KIRREL3: variants seen among roughly 807,000 people sequenced by gnomAD.
KIRREL3 encodes the protein kin of IRRE-like protein 3.
A neutral mutation model predicts 89.7 loss-of-function variants in KIRREL3; 36 were observed. The observed-to-expected ratio is 0.40, with a 90% CI of 0.31 to 0.53. The LOEUF (loss-of-function observed/expected upper bound fraction) is 0.53, where lower values mean the gene tolerates loss of function less well. Ranked by LOEUF, KIRREL3 falls within the 20% of genes least tolerant of loss-of-function variation. KIRREL3 has a pLI of 0.49. For synonymous variants in KIRREL3, 445 were observed against 441.4 expected (o/e 1.01, Z -0.10); for missense variants, 864 against 1,056.6 (o/e 0.82, Z 2.53).
In KIRREL3 at chr11:126,622,448, C is replaced by T. The variant is rs991931953; in HGVS notation, c.56-59536G>A. Among the ~76,000 whole-genome samples, 1 of 152,168 alleles carries T rather than the reference C, an allele frequency of 6.6e-6. No homozygotes were observed. Among genetic ancestry groups the T allele is most frequent in the Non-Finnish European group, 1.5e-5 (1 of 68,042 alleles). On this transcript the variant is annotated intron_variant, in intron 1 of 16. Transcript: ENST00000525144. The surrounding 1 kb of genome is among the most constrained non-coding windows in gnomAD (Gnocchi z 5.2). Reference sequence around the variant, plus strand: ...GGTCCCTCTGGAGGAAGGGTAGCTACTGATGAGCCTTCCCTGCAGCAATTG... The same window carrying T: ...GGTCCCTCTGGAGGAAGGGTAGCTATTGATGAGCCTTCCCTGCAGCAATTG...
intron 1 of KIRREL3, among the ~76,000 whole-genome samples, chr11:126,589,426 C>T (rs540506943): frequency 2.0e-5 from 3 of 152,306 alleles, no homozygotes; most frequent in Non-Finnish European, 2.9e-5. Context: ...AGCCGCCCTC[C>T]GCCCGCCCAC....
At chr11:126,869,751 C>A (rs1434360094) in intron 1 of KIRREL3, among the ~76,000 whole-genome samples, 1 of 152,158 alleles carries the variant, frequency 6.6e-6, no homozygotes, top group Non-Finnish European at 1.5e-5. Context: ...AGGGGCCTTG[C>A]CACACTGAGT....
At chr11:126,854,061 T>C (rs1213130911) in intron 1 of KIRREL3, among the ~76,000 whole-genome samples, 2 of 152,006 alleles carry the variant, frequency 1.3e-5, no homozygotes, top group East Asian at 1.9e-4. Flanking sequence ...ATCTTTTTTT[T>C]TTCTTTTTAG....
chr11:126,974,654 T>A (rs685726), intron 1 of KIRREL3, among the ~76,000 whole-genome samples: 2 of 140,138 alleles, frequency 1.4e-5, no homozygotes, highest in Non-Finnish European at 3.1e-5. Flanking sequence ...TGGTATAGCC[T>A]GTTACACACC....
chr11:126,643,747 G>A lies in KIRREL3; in HGVS notation c.56-80835C>T, dbSNP rs887820892. ...GCAGCAGTAATCTCAGTGAGATTAC[G>A]TGAGGATTTTAACAAAGCTGGTGAC... On this transcript the variant is annotated intron_variant, in intron 1 of 16. Coordinates refer to ENST00000525144, the MANE Select transcript of KIRREL3 (RefSeq NM_032531.4). This position sits in a 1 kb window ranked among gnomAD's most constrained non-coding sequence, Gnocchi z 4.5. 1.3e-5 allele frequency among the ~76,000 whole-genome samples: 2 copies of A among 152,176 alleles called. No individual in the cohort carries two copies. Among genetic ancestry groups the A allele is most frequent in the African/African-American group, 2.4e-5 (1 of 41,430 alleles).
chr11:126,546,119 G>T (rs1174862058), intron 2 of KIRREL3, among the ~76,000 whole-genome samples: 2 of 152,204 alleles, frequency 1.3e-5, no homozygotes, highest in Non-Finnish European at 2.9e-5. Context: ...TAAATAAGGG[G>T]CTGTGGCAGT....
Position 126,685,712 on chromosome 11 carries a change from T to C in KIRREL3, c.56-122800A>G, listed in dbSNP as rs1790652634. ...GCTGTGACACGTCGTTTCCATCTCA[T>C]TTTGAGATCTTGCCTATGACGGCAA... On this transcript the variant is annotated intron_variant, in intron 1 of 16. Transcript: ENST00000525144. This position sits in a 1 kb window ranked among gnomAD's most constrained non-coding sequence, Gnocchi z 5.5. 6.6e-6 allele frequency among the ~76,000 whole-genome samples: 1 copy of C among 152,236 alleles called. No homozygotes were observed. Among genetic ancestry groups the C allele is most frequent in the Non-Finnish European group, 1.5e-5 (1 of 68,034 alleles).
chr11:126,521,310 C>A lies in KIRREL3; in HGVS notation c.433+5G>T. On this transcript the variant is annotated splice_donor_5th_base_variant and intron_variant, in intron 4 of 16. Transcript: ENST00000525144. This position sits in a 1 kb window ranked among gnomAD's most constrained non-coding sequence, Gnocchi z 4.1. ...GTCCCAGCCCCGTGTGCAGATGGTT[C>A]TTACCCAGGACTGTGAGGCGTGCGG... is the stretch of plus-strand genomic sequence containing the variant. 6.5e-7 allele frequency: 1 copy of A among 1,536,918 alleles called. No individual in the cohort carries two copies.
In KIRREL3 at chr11:126,708,651, C is replaced by T. The variant is rs1356310111; in HGVS notation, c.56-145739G>A. 2.6e-5 allele frequency among the ~76,000 whole-genome samples: 4 copies of T among 152,170 alleles called. No homozygotes were observed. Among genetic ancestry groups the T allele is most frequent in the Admixed American group, 1.3e-4 (2 of 15,288 alleles). ...CACCGGCGAACTCGAGAGCCAAGAG[C>T]GGCACTCCCACCTGGGCACTCCTTG... On this transcript the variant is annotated intron_variant, in intron 1 of 16. Coordinates refer to ENST00000525144, the MANE Select transcript of KIRREL3 (RefSeq NM_032531.4). The surrounding 1 kb of genome is among the most constrained non-coding windows in gnomAD (Gnocchi z 5.7).
intron 1 of KIRREL3, among the ~76,000 whole-genome samples, chr11:126,974,318 T>C (rs1949509275): frequency 6.6e-6 from 1 of 152,168 alleles, no homozygotes. Context: ...CATGCATCAC[T>C]TAACGGAGAT....
intron 1 of KIRREL3, among the ~76,000 whole-genome samples, chr11:126,829,062 A>G (rs1376841161): frequency 6.6e-6 from 1 of 152,212 alleles, no homozygotes; most frequent in Admixed American, 6.5e-5. Context: ...TCTGCCTGCA[A>G]GTGTTCCCTG....
At position 126,476,664 on chromosome 11, in the gene KIRREL3, T is replaced by TGGGGGGGGGGGGGGGGGGG. The variant is rs58169991; in HGVS notation, c.434-3199_434-3198insCCCCCCCCCCCCCCCCCCC. 1.1e-5 allele frequency among the ~76,000 whole-genome samples: 1 copy of TGGGGGGGGGGGGGGGGGGG among 87,306 alleles called. No homozygotes were observed. The highest frequency in any genetic ancestry group is 4.1e-5 in the African/African-American group (1 of 24,310). 57.3% of individuals were successfully genotyped at this position (87,306 alleles called of 152,430 possible). A position where few individuals can be genotyped will look rare whatever the true frequency, so the allele number is the denominator to read the frequency against. ...CTGCACACCAGATGGGGGTGGGGGC[T>TGGGGGGGGGGGGGGGGGGG]GGGGGGGGGTGGGGGTTGGTGAGGA... On this transcript the variant is annotated intron_variant, in intron 4 of 16. Transcript: ENST00000525144. The surrounding 1 kb of genome is among the most constrained non-coding windows in gnomAD (Gnocchi z 6.4).
At chr11:126,835,447 G>A (rs937577554) in intron 1 of KIRREL3, among the ~76,000 whole-genome samples, 11 of 152,222 alleles carry the variant, frequency 7.2e-5, no homozygotes, top group Non-Finnish European at 8.8e-5. Flanking sequence ...AAAGATTGAA[G>A]CTCCTTGCAA....
At chr11:126,543,707 T>C (rs581945) in intron 2 of KIRREL3, among the ~76,000 whole-genome samples, 133,735 of 152,204 alleles carry the variant, frequency 0.88, 59,069 homozygotes, top group East Asian at 1. Flanking sequence ...ACCTCTCCCA[T>C]GGTGCCCTTG....
intron 2 of KIRREL3, among the ~76,000 whole-genome samples, chr11:126,538,367 C>G (rs992823456): frequency 6.6e-6 from 1 of 152,132 alleles, no homozygotes; most frequent in African/African-American, 2.4e-5. Context: ...GGAAGCTGCC[C>G]CTCCAGAGAA....
chr11:126,941,482 T>C (rs1387370875), intron 1 of KIRREL3, among the ~76,000 whole-genome samples: 1 of 152,166 alleles, frequency 6.6e-6, no homozygotes, highest in East Asian at 1.9e-4. Context: ...GGAATCTGCA[T>C]TTTAAAATCA....
At chr11:126,927,243 C>T (rs1361661933) in intron 1 of KIRREL3, among the ~76,000 whole-genome samples, 5 of 151,886 alleles carry the variant, frequency 3.3e-5, no homozygotes, top group South Asian at 4.1e-4. Flanking sequence ...CACACACACA[C>T]GCACGCACGC....
chr11:126,861,976 G>A (rs955446272), intron 1 of KIRREL3, among the ~76,000 whole-genome samples: 2 of 152,214 alleles, frequency 1.3e-5, no homozygotes, highest in Non-Finnish European at 2.9e-5. Context: ...AGCATGGCTC[G>A]TAGGCACCTG....
rs1468283587 is a variant in KIRREL3 at position 126,612,052 on chromosome 11, C to T, written c.56-49140G>A. Among the ~76,000 whole-genome samples, 1 of 152,214 alleles carries T rather than the reference C, an allele frequency of 6.6e-6. No individual in the cohort carries two copies. Among genetic ancestry groups the T allele is most frequent in the African/African-American group, 2.4e-5 (1 of 41,446 alleles). ...TTACCTGTGCATCTCCTTCACAACT[C>T]ACGTCACTGATGGACTTACGCAGTT... On this transcript the variant is annotated intron_variant, in intron 1 of 16. Coordinates refer to ENST00000525144, the MANE Select transcript of KIRREL3 (RefSeq NM_032531.4). This position sits in a 1 kb window ranked among gnomAD's most constrained non-coding sequence, Gnocchi z 4.5.
Sources: gnomAD v4.1 joint callset for allele counts (sites outside exome capture counted in the v4.1 genomes callset) on GRCh38, gnomAD v4.1.1 for gene constraint, Gnocchi (gnomAD v3.1) non-coding constraint, MANE v1.5 for transcripts, NCBI Gene and HGNC (gene_info 2026-07-23, HGNC 2026-07-21) for gene names.